LPAR5: variants seen among roughly 807,000 people sequenced by gnomAD.
LPAR5 encodes the protein lysophosphatidic acid receptor 5.
For missense variants in LPAR5, 544 were observed against 521.8 expected (o/e 1.04, Z -0.41); for synonymous variants, 271 against 261.6 (o/e 1.04, Z -0.35).
At chr12:6,626,303 C>T (rs746941041) in intron 1 of LPAR5, among the ~76,000 whole-genome samples, 1 of 152,004 alleles carries the variant, frequency 6.6e-6, no homozygotes, top group Non-Finnish European at 1.5e-5. Context: ...TTCATAGAAA[C>T]GGGGTCTGAC....
At chr12:6,623,190 A>G (rs1350931620) in intron 1 of LPAR5, among the ~76,000 whole-genome samples, 1 of 151,912 alleles carries the variant, frequency 6.6e-6, no homozygotes, top group Non-Finnish European at 1.5e-5. Context: ...GTGAGCTGAC[A>G]TCGTACCACT....
chr12:6,630,083 G>A (rs1948971566), intron 1 of LPAR5, among the ~76,000 whole-genome samples: 1 of 151,980 alleles, frequency 6.6e-6, no homozygotes, highest in Non-Finnish European at 1.5e-5. Flanking sequence ...CAAAGGAAAT[G>A]GCGATGCTCT....
At chr12:6,626,528 A>C (rs1024403725) in intron 1 of LPAR5, among the ~76,000 whole-genome samples, 7 of 152,258 alleles carry the variant, frequency 4.6e-5, no homozygotes, top group Non-Finnish European at 8.8e-5. Context: ...CTTCCTCTGC[A>C]AAATACCAGT....
chr12:6,622,772 A>C (rs1258014887), intron 1 of LPAR5, among the ~76,000 whole-genome samples: 1 of 151,894 alleles, frequency 6.6e-6, no homozygotes, highest in Non-Finnish European at 1.5e-5. Context: ...AATATTAAAA[A>C]ATTAAAAAAT....
chr12:6,627,753 T>A (rs921532923), intron 1 of LPAR5, among the ~76,000 whole-genome samples: 1 of 152,060 alleles, frequency 6.6e-6, no homozygotes, highest in Non-Finnish European at 1.5e-5. Flanking sequence ...CACATTTCAC[T>A]CTCTGCATTT....
chr12:6,620,157 T>C lies in LPAR5; in HGVS notation c.1092A>G (p.Thr364=). The C allele has an allele frequency of 6.2e-7, 1 of 1,613,436 alleles. No homozygotes were observed. The highest frequency in any genetic ancestry group is 8.5e-7 in the Non-Finnish European group (1 of 1,179,598). ...PSDSHSLSSF[T]QCPQDSAL ...AGAGGGCGGAATCCTGGGGACACTG[T>C]GTGAAGGAAGACAGAGAGTGGGAGT... is the stretch of plus-strand genomic sequence containing the variant. The change falls in exon 2 of 2, where the codon ACA becomes ACG. Residue 364 remains threonine, a synonymous_variant. Transcript: ENST00000329858. This position sits in a 1 kb window ranked among gnomAD's most constrained non-coding sequence, Gnocchi z 6.8.
chr12:6,621,737 C>T (rs1336132542), intron 1 of LPAR5, among the ~76,000 whole-genome samples: 2 of 152,204 alleles, frequency 1.3e-5, no homozygotes, highest in Non-Finnish European at 2.9e-5. Context: ...TGGCTTACAC[C>T]TGTAATCCTG....
Position 6,630,433 on chromosome 12 carries a change from C to CTTTTTTTTT in LPAR5, c.-217+5465_-217+5473dup, listed in dbSNP as rs34529805. 3.1e-4 allele frequency among the ~76,000 whole-genome samples: 13 copies of CTTTTTTTTT among 41,826 alleles called. 2 individuals carry two copies. The highest frequency in any genetic ancestry group is 9.4e-4 in the African/African-American group (9 of 9,544). 27.4% of individuals were successfully genotyped at this position (41,826 alleles called of 152,430 possible). A position where few individuals can be genotyped will look rare whatever the true frequency, so the allele number is the denominator to read the frequency against. On this transcript the variant is annotated intron_variant, in intron 1 of 1. Coordinates refer to ENST00000329858, the MANE Select transcript of LPAR5 (RefSeq NM_020400.6). ...GAGTGAACCACTGCACCCAGCCCAT[C>CTTTTTTTTT]TTTTTTTTTTTTTTTTTTTTTTTTT...
chr12:6,620,735 C>G lies in LPAR5; in HGVS notation c.514G>C (p.Val172Leu). The G allele has an allele frequency of 6.3e-7, 1 of 1,589,636 alleles. No individual in the cohort carries two copies. The highest frequency in any genetic ancestry group is 8.6e-7 in the Non-Finnish European group (1 of 1,168,324). The change falls in exon 2 of 2, where the codon GTG becomes CTG. Residue 172 changes from valine (V) to leucine (L), a missense_variant. Physicochemically the swap from Val to Leu is conservative, Grantham distance 32. Coordinates refer to ENST00000329858, the MANE Select transcript of LPAR5 (RefSeq NM_020400.6). This position sits in a 1 kb window ranked among gnomAD's most constrained non-coding sequence, Gnocchi z 6.8. The part of the protein sequence containing the change: ...PSRCRYRDLE[V>L]RLCFESFSDE... ...CTGAAGCTCTCGAAGCATAGGCGCA[C>G]CTCGAGGTCCCGGTAGCGGCAACGC...
At position 6,632,812 on chromosome 12, in the gene LPAR5, C is replaced by T. The variant is rs554802957; in HGVS notation, c.-217+3095G>A. Among the ~76,000 whole-genome samples the T allele has an allele frequency of 2.0e-5, 3 of 152,286 alleles. No individual in the cohort carries two copies. In the South Asian group the frequency reaches 6.2e-4, roughly 32 times the overall value. ...TCAAGGTTTGGAGACAGTACAAAGT[C>T]CCCAGGGTGGGCGGGGAGGCCTCCT... On this transcript the variant is annotated intron_variant, in intron 1 of 1. Transcript: ENST00000329858.
intron 1 of LPAR5, among the ~76,000 whole-genome samples, chr12:6,622,068 C>T (rs926024059): frequency 6.6e-6 from 1 of 151,910 alleles, no homozygotes; most frequent in African/African-American, 2.4e-5. Context: ...GCAGAGGTTG[C>T]AGTGAGCTGA....
chr12:6,628,312 C>T lies in LPAR5; in HGVS notation c.-216-6848G>A, dbSNP rs188764197. Among the ~76,000 whole-genome samples, 289 of 152,082 alleles carry T rather than the reference C, an allele frequency of 1.9e-3. 1 individual carries two copies. Among genetic ancestry groups the T allele is most frequent in the African/African-American group, 6.6e-3 (275 of 41,506 alleles). The stretch of plus-strand genomic sequence containing the variant: ...CTGGGATTACAGGCGTGAGCCACCG[C>T]GCCAGGCCCACTTGATCATTCTTAA... On this transcript the variant is annotated intron_variant, in intron 1 of 1. Coordinates refer to ENST00000329858, the MANE Select transcript of LPAR5 (RefSeq NM_020400.6).
chr12:6,624,364 C>T lies in LPAR5; in HGVS notation c.-216-2900G>A, dbSNP rs560766285. 1.6e-4 allele frequency among the ~76,000 whole-genome samples: 24 copies of T among 152,288 alleles called. No individual in the cohort carries two copies. In the South Asian group the frequency reaches 5.0e-3, roughly 32 times the overall value. On this transcript the variant is annotated intron_variant, in intron 1 of 1. Coordinates refer to ENST00000329858, the MANE Select transcript of LPAR5 (RefSeq NM_020400.6). ...AGACAGTGTTGCTTAACCGTCACCA[C>T]TCTCTGTTTCCAGAAATAGAACTTT...
intron 1 of LPAR5, among the ~76,000 whole-genome samples, chr12:6,634,003 C>G (rs1002005199): frequency 1.3e-5 from 2 of 152,028 alleles, no homozygotes; most frequent in African/African-American, 2.4e-5. Context: ...GACCCCATCT[C>G]TACAAAAAAT....
At chr12:6,629,374 T>A (rs1487384169) in intron 1 of LPAR5, among the ~76,000 whole-genome samples, 6 of 64,728 alleles carry the variant, frequency 9.3e-5, no homozygotes, top group Middle Eastern at 0.013. Context: ...AGACTCTGTC[T>A]CAAAAAAAAA....
chr12:6,634,832 G>A (rs186594613), intron 1 of LPAR5, among the ~76,000 whole-genome samples: 1 of 150,778 alleles, frequency 6.6e-6, no homozygotes, highest in African/African-American at 2.4e-5. Flanking sequence ...GCTTATGCCT[G>A]TAATCCCAGC....
intron 1 of LPAR5, among the ~76,000 whole-genome samples, chr12:6,622,346 T>C (rs1948902950): frequency 6.6e-6 from 1 of 151,094 alleles, no homozygotes. Flanking sequence ...GAGAATTGCT[T>C]GAACCTGGGG....
Position 6,621,476 on chromosome 12 carries a change from A to C in LPAR5, c.-216-12T>G. 1 of 431,094 alleles carries C rather than the reference A, an allele frequency of 2.3e-6. No individual in the cohort carries two copies. Among genetic ancestry groups the C allele is most frequent in the Non-Finnish European group, 4.2e-6 (1 of 237,570 alleles). 26.7% of individuals were successfully genotyped at this position (431,094 alleles called of 1,614,324 possible). On this transcript the variant is annotated splice_polypyrimidine_tract_variant and intron_variant, in intron 1 of 1. Transcript: ENST00000329858. ...TCAGCAGCAGAGACCTGGAATAGGA[A>C]GGCAAGCCGGAAGTTATACAGAGAC...
Position 6,620,149 on chromosome 12 carries a change from G to C in LPAR5, c.1100C>G (p.Pro367Arg). The C allele has an allele frequency of 1.2e-6, 2 of 1,613,738 alleles. No individual in the cohort carries two copies. The highest frequency in any genetic ancestry group is 1.7e-6 in the Non-Finnish European group (2 of 1,179,790). ...GTGTGTTCAGAGGGCGGAATCCTGGGGACACTGTGTGAAGGAAGACAGAGA... is the reference window on the plus strand; with the variant it reads ...GTGTGTTCAGAGGGCGGAATCCTGGCGACACTGTGTGAAGGAAGACAGAGA... ...SHSLSSFTQC[P>R]QDSAL Residue 367 changes from proline (P) to arginine (R), a missense_variant, in exon 2 of 2, where the codon CCC becomes CGC. Coordinates refer to ENST00000329858, the MANE Select transcript of LPAR5 (RefSeq NM_020400.6). This position sits in a 1 kb window ranked among gnomAD's most constrained non-coding sequence, Gnocchi z 6.8.
Sources: allele counts gnomAD v4.1 joint callset (sites outside exome capture counted in the v4.1 genomes callset), GRCh38; gene constraint gnomAD v4.1.1; non-coding constraint Gnocchi (gnomAD v3.1); transcripts MANE v1.5; gene names NCBI Gene and HGNC (gene_info 2026-07-23, HGNC 2026-07-21).